PALS2: variants seen among roughly 807,000 people sequenced by gnomAD.
PALS2 encodes the protein protein associated with LIN7 2, MAGUK p55 family member, also known as protein PALS2.
Under a neutral mutation model 61.6 loss-of-function variants are expected in PALS2, and 27 were observed. The observed-to-expected ratio is 0.44, with a 90% CI of 0.32 to 0.60. The LOEUF is 0.60. Ranked by LOEUF, PALS2 falls within the 20% of genes least tolerant of loss-of-function variation. The pLI is 0.05. For missense variants in PALS2, 554 were observed against 639.4 expected, an observed-to-expected ratio of 0.87 and a Z score of 1.44; for synonymous variants, 236 against 218.6, an observed-to-expected ratio of 1.08 and a Z score of -0.70.
chr7:24,670,425 T>C (rs908618157), intron 9 of PALS2, among the ~76,000 whole-genome samples: 4 of 152,190 alleles, frequency 2.6e-5, no homozygotes, highest in South Asian at 2.1e-4. Flanking sequence ...GCTGCCCAGC[T>C]GTTAACACTG....
Position 24,596,756 on chromosome 7 carries a change from T to A in PALS2, c.-3+23163T>A, listed in dbSNP as rs1376341372. ...ATCTAGCTTTCTCCTGTGTGAGCAC[T>A]ACACTTTAACAAGGATATTTCTGGA... On this transcript the variant is annotated intron_variant, in intron 1 of 11. Coordinates refer to ENST00000222644, the MANE Select transcript of PALS2 (RefSeq NM_001303037.2). This position sits in a 1 kb window ranked among gnomAD's most constrained non-coding sequence, Gnocchi z 4.5. 6.6e-6 allele frequency among the ~76,000 whole-genome samples: 1 copy of A among 152,184 alleles called. No homozygotes were observed. Among genetic ancestry groups the A allele is most frequent in the Non-Finnish European group, 1.5e-5 (1 of 68,020 alleles).
intron 2 of PALS2, among the ~76,000 whole-genome samples, chr7:24,627,688 A>G (rs959702210): frequency 6.6e-6 from 1 of 152,234 alleles, no homozygotes; most frequent in Non-Finnish European, 1.5e-5. Flanking sequence ...AGGGGATACC[A>G]TCACTGATCC....
At chr7:24,625,809 T>G (rs1487966659) in intron 2 of PALS2, among the ~76,000 whole-genome samples, 1 of 152,162 alleles carries the variant, frequency 6.6e-6, no homozygotes, top group Non-Finnish European at 1.5e-5. Context: ...TATGCAACAT[T>G]CAGGCAGATT....
chr7:24,588,085 G>A (rs1042495953), intron 1 of PALS2, among the ~76,000 whole-genome samples: 3 of 152,014 alleles, frequency 2.0e-5, no homozygotes, highest in Non-Finnish European at 4.4e-5. Context: ...CAATTCATTG[G>A]GACAGACCCC....
At chr7:24,579,216 A>G (rs79476125) in intron 1 of PALS2, among the ~76,000 whole-genome samples, 4,295 of 152,304 alleles carry the variant, frequency 0.028, 89 homozygotes, top group Non-Finnish European at 0.042. Flanking sequence ...TATAAATAAA[A>G]ACTATGAGAT....
At chr7:24,670,964 T>C (rs1369538060) in intron 9 of PALS2, among the ~76,000 whole-genome samples, 1 of 152,212 alleles carries the variant, frequency 6.6e-6, no homozygotes, top group Non-Finnish European at 1.5e-5. Context: ...TTTTTAGCTA[T>C]TGTGAATAAT....
chr7:24,667,026 G>A (rs148933959), intron 8 of PALS2: 9 of 152,180 alleles, frequency 5.9e-5, no homozygotes, highest in African/African-American at 2.2e-4. Context: ...TAATATAGAA[G>A]GAAGAAGTAG....
At chr7:24,636,420 A>C (rs571698030) in intron 2 of PALS2, among the ~76,000 whole-genome samples, 1 of 152,248 alleles carries the variant, frequency 6.6e-6, no homozygotes, top group Admixed American at 6.5e-5. Flanking sequence ...TGTACTTCTG[A>C]GTGAAGTTGT....
intron 1 of PALS2, among the ~76,000 whole-genome samples, chr7:24,587,975 CT>C: frequency 6.6e-6 from 1 of 152,208 alleles, no homozygotes; most frequent in South Asian, 2.1e-4. Context: ...GTTTTGCCCC[CT>C]AAGGGACATT....
intron 3 of PALS2, among the ~76,000 whole-genome samples, chr7:24,643,291 G>A (rs1311658656): frequency 6.6e-6 from 1 of 152,026 alleles, no homozygotes; most frequent in East Asian, 1.9e-4. Context: ...AAATATATAA[G>A]CACATACATT....
chr7:24,640,791 G>A (rs936417273), intron 2 of PALS2, among the ~76,000 whole-genome samples: 11 of 152,036 alleles, frequency 7.2e-5, no homozygotes, highest in Admixed American at 2.6e-4. Context: ...GGTGGATCAC[G>A]AGGTCAGGAG....
chr7:24,635,283 T>C (rs1401350674), intron 2 of PALS2, among the ~76,000 whole-genome samples: 1 of 152,232 alleles, frequency 6.6e-6, no homozygotes, highest in Non-Finnish European at 1.5e-5. Context: ...TTAGTTATAC[T>C]CCTAGGTATT....
intron 1 of PALS2, among the ~76,000 whole-genome samples, chr7:24,579,502 G>C (rs2711092): frequency 6.6e-6 from 1 of 152,014 alleles, no homozygotes; most frequent in Non-Finnish European, 1.5e-5. Flanking sequence ...GAAACAGCAG[G>C]CTTCCTCCCC....
chr7:24,674,138 C>T (rs939417402), intron 9 of PALS2, among the ~76,000 whole-genome samples: 18 of 152,312 alleles, frequency 1.2e-4, no homozygotes, highest in Non-Finnish European at 2.5e-4. Context: ...TGGCTTCTTA[C>T]AACAACTGTG....
At chr7:24,597,190 A>G (rs1461673575) in intron 1 of PALS2, 3 of 152,190 alleles carry the variant, frequency 2.0e-5, no homozygotes, top group Non-Finnish European at 2.9e-5. Context: ...AGTTGAAGAA[A>G]GGTGAGTGCT....
At chr7:24,638,675 A>G (rs1181642565) in intron 2 of PALS2, among the ~76,000 whole-genome samples, 1 of 152,146 alleles carries the variant, frequency 6.6e-6, no homozygotes, top group Non-Finnish European at 1.5e-5. Context: ...CATAGAACCA[A>G]ACTGTGAGGC....
At chr7:24,611,336 A>G (rs1196785064) in intron 1 of PALS2, among the ~76,000 whole-genome samples, 1 of 152,110 alleles carries the variant, frequency 6.6e-6, no homozygotes, top group African/African-American at 2.4e-5. Flanking sequence ...ATTCACGGGA[A>G]GTTGATAGCT....
intron 1 of PALS2, among the ~76,000 whole-genome samples, chr7:24,575,338 A>C (rs2128036947): frequency 6.6e-6 from 1 of 152,310 alleles, no homozygotes; most frequent in Non-Finnish European, 1.5e-5. Context: ...GCTCTATATA[A>C]GACAGAATCT....
intron 11 of PALS2, among the ~76,000 whole-genome samples, chr7:24,686,357 A>G (rs756217243): frequency 3.3e-5 from 5 of 151,536 alleles, no homozygotes; most frequent in Non-Finnish European, 5.9e-5. Flanking sequence ...AGGTCTTTCC[A>G]TCTCGTAGGG....
Sources: allele counts gnomAD v4.1 joint callset (sites outside exome capture counted in the v4.1 genomes callset), GRCh38; gene constraint gnomAD v4.1.1; non-coding constraint Gnocchi (gnomAD v3.1); transcripts MANE v1.5; gene names NCBI Gene and HGNC (gene_info 2026-07-23, HGNC 2026-07-21).